SYCE1L: variants seen among roughly 807,000 people sequenced by gnomAD.
SYCE1L encodes the protein synaptonemal complex central element protein 1 like, also known as synaptonemal complex central element protein 1-like.
In SYCE1L, 51 loss-of-function variants were observed where a neutral mutation model predicts 39.6. The ratio of observed to expected loss-of-function variants is 1.29; its 90% CI spans 1.03 to 1.63. The LOEUF is 1.63. Among genes scored for constraint, SYCE1L ranks in the 40% most tolerant of loss-of-function variants. SYCE1L has a pLI of 0.00. For synonymous variants in SYCE1L, 147 were observed against 122.4 expected, an observed-to-expected ratio of 1.20 and a Z score of -1.33; for missense variants, 426 against 304.9, an observed-to-expected ratio of 1.40 and a Z score of -2.96.
In SYCE1L at chr16:77,206,405, C is replaced by T. The variant is rs187303580; in HGVS notation, c.62-36C>T. 284 of 1,544,008 alleles carry T rather than the reference C, an allele frequency of 1.8e-4. No individual in the cohort carries two copies. In the African/African-American group the frequency reaches 3.1e-3, roughly 17 times the overall value. Reference sequence around the variant, plus strand: ...TCCCTTCTCTCTCCCCTCTCACTCTCGCTGTGTCCTGTAATTTTGATTTTC... The same window carrying T: ...TCCCTTCTCTCTCCCCTCTCACTCTTGCTGTGTCCTGTAATTTTGATTTTC... On this transcript the variant is annotated intron_variant, in intron 1 of 10. Transcript: ENST00000378644.
intron 1 of SYCE1L, 84 bp downstream of exon 1, chr16:77,199,596 T>C (rs2054708386): frequency 2.8e-6 from 3 of 1,080,700 alleles, no homozygotes; most frequent in African/African-American, 3.2e-5. Context: ...AATAATGAAA[T>C]AATGATATTC....
Position 77,212,462 on chromosome 16 carries a change from C to T in SYCE1L, c.581+93C>T, listed in dbSNP as rs532498123. On this transcript the variant is annotated intron_variant, in intron 9 of 10. Transcript: ENST00000378644. The stretch of plus-strand genomic sequence containing the variant: ...CCCGCTCCGCCCCCGACTGCCGCTT[C>T]CCCGGCCTGTGCCTCCCTCGGCGTC... 1.6e-5 allele frequency: 25 copies of T among 1,539,546 alleles called. No homozygotes were observed. The Admixed American group carries it at 4.0e-4, about 24-fold the overall frequency.
intron 1 of SYCE1L, 75 bp downstream of exon 1, chr16:77,199,587 A>G (rs535625150): frequency 2.7e-6 from 3 of 1,091,294 alleles, no homozygotes; most frequent in South Asian, 1.5e-5. Context: ...TCCCATTACA[A>G]TAATGAAATA....
Position 77,208,204 on chromosome 16 carries a change from C to T in SYCE1L, c.122-6C>T. 1 of 1,551,234 alleles carries T rather than the reference C, an allele frequency of 6.4e-7. No homozygotes were observed. Among genetic ancestry groups the T allele is most frequent in the Non-Finnish European group, 8.7e-7 (1 of 1,146,838 alleles). On this transcript the variant is annotated splice_polypyrimidine_tract_variant and splice_region_variant and intron_variant, in intron 2 of 10. Transcript: ENST00000378644. ...TGGCTCACTCTTTCTTCCTTTCTTT[C>T]TTCAGAGGGAAGCCTGGAGCCACAG...
intron 1 of SYCE1L, among the ~76,000 whole-genome samples, chr16:77,203,226 A>C (rs1015720619): frequency 6.6e-6 from 1 of 152,224 alleles, no homozygotes; most frequent in African/African-American, 2.4e-5. Flanking sequence ...TTGTCACCGA[A>C]CTGCTGGCAG....
chr16:77,207,655 G>T (rs57007576), intron 2 of SYCE1L, among the ~76,000 whole-genome samples: 15,401 of 152,108 alleles, frequency 0.1, 1,005 homozygotes, highest in East Asian at 0.29. Context: ...AGGCTTCCAC[G>T]GTGGCCCAAG....
In SYCE1L at chr16:77,205,644, T is replaced by A. The variant is rs550525882; in HGVS notation, c.62-797T>A. Among the ~76,000 whole-genome samples, 38 of 152,246 alleles carry A rather than the reference T, an allele frequency of 2.5e-4. 1 individual carries two copies. In the South Asian group the frequency reaches 7.3e-3, roughly 29 times the overall value. On this transcript the variant is annotated intron_variant, in intron 1 of 10. Transcript: ENST00000378644. Reference sequence around the variant, plus strand: ...GTGCAGTTTCCCACAGTCCACGTGATGTTGAGCACATCCCCAGTGGTGTCA... The same window carrying A: ...GTGCAGTTTCCCACAGTCCACGTGAAGTTGAGCACATCCCCAGTGGTGTCA...
rs1424006794 is a variant in SYCE1L at position 77,213,001 on chromosome 16, C to G, written c.*70C>G. On this transcript the variant is annotated 3_prime_UTR_variant, in exon 11 of 11. Transcript: ENST00000378644. ...AAGAAATAAAGGCGATGATTTCCGACCATGCTCGCGTTCTCCGCGGAGTCT... is the reference window on the plus strand; with the variant it reads ...AAGAAATAAAGGCGATGATTTCCGAGCATGCTCGCGTTCTCCGCGGAGTCT... The G allele has an allele frequency of 1.4e-6, 2 of 1,395,574 alleles. No homozygotes were observed. Among genetic ancestry groups the G allele is most frequent in the African/African-American group, 2.9e-5 (2 of 67,930 alleles). 86.4% of individuals were successfully genotyped at this position (1,395,574 alleles called of 1,614,324 possible). A position where few individuals can be genotyped will look rare whatever the true frequency, so the allele number is the denominator to read the frequency against.
At chr16:77,205,095 A>G in intron 1 of SYCE1L, among the ~76,000 whole-genome samples, 1 of 151,334 alleles carries the variant, frequency 6.6e-6, no homozygotes, top group Non-Finnish European at 1.5e-5. Context: ...GTATGTTTGT[A>G]TATACATTGA....
intron 6 of SYCE1L, 141 bp downstream of exon 6, chr16:77,209,612 T>G (rs2054809211): frequency 1.2e-6 from 1 of 864,656 alleles, no homozygotes; most frequent in East Asian, 2.7e-5. Flanking sequence ...AAAGATTTCC[T>G]TGGTTATCTC....
At chr16:77,209,498 C>G (rs2054808563) in intron 6 of SYCE1L, 27 bp downstream of exon 6, 4 of 1,551,304 alleles carry the variant, frequency 2.6e-6, no homozygotes, top group Non-Finnish European at 3.5e-6. Flanking sequence ...CAGCTCTTCC[C>G]TACCTCATTC....
chr16:77,207,368 A>G (rs939541047), intron 2 of SYCE1L, among the ~76,000 whole-genome samples: 1 of 152,032 alleles, frequency 6.6e-6, no homozygotes, highest in East Asian at 1.9e-4. Context: ...CCTTGAAGCC[A>G]GAGAGGGATG....
At chr16:77,212,029 C>T (rs1184237454) in intron 7 of SYCE1L, 101 bp from the exon 8 acceptor site, 8 of 1,280,056 alleles carry the variant, frequency 6.2e-6, no homozygotes, top group Non-Finnish European at 7.5e-6. Context: ...AATGAATGAC[C>T]TAATGTAGGT....
At chr16:77,206,156 G>A (rs2054784338) in intron 1 of SYCE1L, among the ~76,000 whole-genome samples, 1 of 152,112 alleles carries the variant, frequency 6.6e-6, no homozygotes, top group African/African-American at 2.4e-5. Flanking sequence ...CAGCAAACAT[G>A]CATTCTCTTC....
At position 77,212,934 on chromosome 16, in the gene SYCE1L, C is replaced by T; in HGVS notation, c.*3C>T. On this transcript the variant is annotated 3_prime_UTR_variant, in exon 11 of 11. Transcript: ENST00000378644. ...TGGCTGCCCCTGACGCCCTCTAGGC[C>T]AGCAGGACCCGCCCGTTCCCGACCT... is the stretch of plus-strand genomic sequence containing the variant. 1.3e-6 allele frequency: 2 copies of T among 1,514,042 alleles called. No homozygotes were observed. Among genetic ancestry groups the T allele is most frequent in the Non-Finnish European group, 1.8e-6 (2 of 1,131,962 alleles). The allele number at this position is 1,514,042 out of a possible 1,614,324, so 93.8% of individuals were successfully genotyped here. A position where few individuals can be genotyped will look rare whatever the true frequency, so the allele number is the denominator to read the frequency against.
chr16:77,205,554 T>C lies in SYCE1L; in HGVS notation c.62-887T>C, dbSNP rs148137848. On this transcript the variant is annotated intron_variant, in intron 1 of 10. Coordinates refer to ENST00000378644, the MANE Select transcript of SYCE1L (RefSeq NM_001129979.3). ...TATGCCTCAAGTCTTTTTTAATCTG[T>C]AGGATTTTCTCTCTCCCTCATTTTC... Among the ~76,000 whole-genome samples, 32 of 151,088 alleles carry C rather than the reference T, an allele frequency of 2.1e-4. No individual in the cohort carries two copies. The East Asian group carries it at 5.8e-3, about 27-fold the overall frequency.
At chr16:77,212,222 G>A in intron 8 of SYCE1L, 23 bp downstream of exon 8, 1 of 1,544,572 alleles carries the variant, frequency 6.5e-7, no homozygotes, top group South Asian at 1.2e-5. Flanking sequence ...CGCCAGGTGG[G>A]CGGGGGGAGG....
chr16:77,212,847 C>A lies in SYCE1L; in HGVS notation c.655-10C>A, dbSNP rs1239969886. 6.1e-6 allele frequency: 9 copies of A among 1,483,010 alleles called. No homozygotes were observed. Among genetic ancestry groups the A allele is most frequent in the Non-Finnish European group, 7.2e-6 (8 of 1,118,000 alleles). 91.9% of individuals were successfully genotyped at this position (1,483,010 alleles called of 1,614,324 possible). On this transcript the variant is annotated splice_polypyrimidine_tract_variant and intron_variant, in intron 10 of 10. Coordinates refer to ENST00000378644, the MANE Select transcript of SYCE1L (RefSeq NM_001129979.3). ...GAACCTGGTCCGCAGCCTCACCCAG[C>A]CCCCGGCAGGCCGGACCTGAGCTCC...
intron 2 of SYCE1L, 94 bp downstream of exon 2, chr16:77,206,594 A>G: frequency 1.6e-6 from 2 of 1,232,838 alleles, no homozygotes; most frequent in South Asian, 2.6e-5. Flanking sequence ...AACCTCAGGA[A>G]ATTATCCCAT....
Sources: gnomAD v4.1 joint callset for allele counts (sites outside exome capture counted in the v4.1 genomes callset) on GRCh38, gnomAD v4.1.1 for gene constraint, MANE v1.5 for transcripts, NCBI Gene and HGNC (gene_info 2026-07-23, HGNC 2026-07-21) for gene names.